Variants in SLC12A8 observed in about 807,000 individuals in gnomAD.
SLC12A8 encodes the protein solute carrier family 12 member 8.
SLC12A8 carries 69 observed loss-of-function variants against 75.6 expected under a neutral mutation model. The ratio of observed to expected loss-of-function variants is 0.91; its 90% CI spans 0.75 to 1.11. The LOEUF (loss-of-function observed/expected upper bound fraction) is 1.11, where lower values mean the gene tolerates loss of function less well. SLC12A8 is among the 50% of genes most tolerant of loss of function. The pLI is 0.00. For synonymous variants in SLC12A8, 365 were observed against 372.8 expected (o/e 0.98, Z 0.24); for missense variants, 877 against 896.7 (o/e 0.98, Z 0.28).
At chr3:125,199,584 G>A (rs1277075624) in intron 2 of SLC12A8, among the ~76,000 whole-genome samples, 9 of 121,392 alleles carry the variant, frequency 7.4e-5, no homozygotes, top group African/African-American at 2.5e-4. Context: ...TCTAGAAGAA[G>A]GAAAAAAAAA....
At chr3:125,180,285 T>A (rs965581926) in intron 4 of SLC12A8, among the ~76,000 whole-genome samples, 4 of 152,218 alleles carry the variant, frequency 2.6e-5, no homozygotes, top group Non-Finnish European at 1.5e-5. Context: ...AAATCCTGGC[T>A]GACTTGGGAA....
At chr3:125,158,252 G>T (rs771908444) in intron 5 of SLC12A8, among the ~76,000 whole-genome samples, 1 of 149,626 alleles carries the variant, frequency 6.7e-6, no homozygotes, top group Non-Finnish European at 1.5e-5. Flanking sequence ...ACAGAGTCTC[G>T]CTCTGTCACC....
Position 125,212,736 on chromosome 3 carries a change from G to A in SLC12A8, c.-82C>T. On this transcript the variant is annotated 5_prime_UTR_variant, in exon 1 of 14. Coordinates refer to ENST00000469902, the MANE Select transcript of SLC12A8 (RefSeq NM_024628.6). ...ACAGCCAGCTCCCAGCGCCCGGCCC[G>A]CCCGGTCCCCGCCCCGCCGCCACGT... 1 of 153,212 alleles carries A rather than the reference G, an allele frequency of 6.5e-6. No individual in the cohort carries two copies. 9.5% of individuals were successfully genotyped at this position (153,212 alleles called of 1,614,324 possible).
chr3:125,087,197 C>A (rs983579019), intron 13 of SLC12A8, among the ~76,000 whole-genome samples: 1 of 150,480 alleles, frequency 6.6e-6, no homozygotes, highest in Non-Finnish European at 1.5e-5. Flanking sequence ...CGGGTTCAAG[C>A]GATTCTCCTG....
chr3:125,141,666 G>GGGCTGCA (rs1444267897), intron 5 of SLC12A8, among the ~76,000 whole-genome samples: 3 of 151,482 alleles, frequency 2.0e-5, no homozygotes, highest in East Asian at 1.9e-4. Flanking sequence ...AATGATGCTG[G>GGGCTGCA]GGCTGCAGGC....
At chr3:125,147,706 G>A (rs1250249203) in intron 5 of SLC12A8, among the ~76,000 whole-genome samples, 3 of 152,158 alleles carry the variant, frequency 2.0e-5, no homozygotes, top group Non-Finnish European at 2.9e-5. Flanking sequence ...CGAGGGGAGA[G>A]CAAGAGGAGG....
intron 10 of SLC12A8, among the ~76,000 whole-genome samples, chr3:125,102,514 G>A (rs1052418260): frequency 6.6e-6 from 1 of 152,166 alleles, no homozygotes; most frequent in Non-Finnish European, 1.5e-5. Flanking sequence ...AGATCATTCA[G>A]TGGGCAGCAT....
chr3:125,133,980 T>C (rs1933426736), intron 6 of SLC12A8, among the ~76,000 whole-genome samples: 1 of 152,254 alleles, frequency 6.6e-6, no homozygotes, highest in Admixed American at 6.5e-5. Flanking sequence ...AGATTGCATT[T>C]TCTAGAACTG....
intron 10 of SLC12A8, among the ~76,000 whole-genome samples, chr3:125,094,914 A>T (rs1240333452): frequency 6.6e-6 from 1 of 152,162 alleles, no homozygotes; most frequent in Non-Finnish European, 1.5e-5. Context: ...GATACATGTG[A>T]TCACTTTCTC....
At chr3:125,167,843 G>A (rs933805710) in intron 5 of SLC12A8, among the ~76,000 whole-genome samples, 11 of 152,234 alleles carry the variant, frequency 7.2e-5, no homozygotes, top group South Asian at 2.1e-4. Context: ...CACGTTTTGC[G>A]GAGAATTGTT....
intron 4 of SLC12A8, among the ~76,000 whole-genome samples, chr3:125,183,599 C>T (rs185906562): frequency 2.6e-5 from 4 of 152,226 alleles, no homozygotes; most frequent in Admixed American, 2.6e-4. Context: ...CCTGAATATG[C>T]GTTAACACCC....
chr3:125,184,681 C>T (rs1186977231), intron 4 of SLC12A8, among the ~76,000 whole-genome samples: 1 of 151,612 alleles, frequency 6.6e-6, no homozygotes, highest in Non-Finnish European at 1.5e-5. Flanking sequence ...CCCAACCGCA[C>T]CCTAGAGGAA....
chr3:125,182,908 C>T (rs1178338605), intron 4 of SLC12A8, among the ~76,000 whole-genome samples: 2 of 152,176 alleles, frequency 1.3e-5, no homozygotes, highest in African/African-American at 2.4e-5. Context: ...ACACTGGGAT[C>T]ACCTCAAGGG....
At chr3:125,164,417 G>A (rs1010514062) in intron 5 of SLC12A8, among the ~76,000 whole-genome samples, 1 of 152,234 alleles carries the variant, frequency 6.6e-6, no homozygotes, top group Non-Finnish European at 1.5e-5. Flanking sequence ...TCTATGCAAA[G>A]TGCCTGACAC....
chr3:125,084,080 T>C (rs2107727230), intron 13 of SLC12A8, 28 bp from the exon 14 acceptor site: 1 of 1,598,126 alleles, frequency 6.3e-7, no homozygotes, highest in East Asian at 2.2e-5. Flanking sequence ...CAGAGGATGG[T>C]GAGAAGGACA....
At position 125,118,759 on chromosome 3, in the gene SLC12A8, C is replaced by A; in HGVS notation, c.912+10G>T. On this transcript the variant is annotated intron_variant, in intron 8 of 13. Transcript: ENST00000469902. ...GACTGAGCCCTTGGAGTAGCGCAGG[C>A]CTCACTCACCTTTTCCGCTATCAGG... 6.2e-7 allele frequency: 1 copy of A among 1,605,504 alleles called. No individual in the cohort carries two copies. Among genetic ancestry groups the A allele is most frequent in the Non-Finnish European group, 8.5e-7 (1 of 1,172,890 alleles).
intron 6 of SLC12A8, among the ~76,000 whole-genome samples, chr3:125,128,860 T>C (rs1409407819): frequency 1.3e-5 from 2 of 151,926 alleles, no homozygotes; most frequent in Non-Finnish European, 2.9e-5. Flanking sequence ...ATGGGGGAAG[T>C]AGGCCAGAGG....
intron 5 of SLC12A8, among the ~76,000 whole-genome samples, chr3:125,148,791 C>G (rs897481782): frequency 7.9e-5 from 12 of 152,270 alleles, no homozygotes; most frequent in African/African-American, 2.9e-4. Context: ...GGCACATATC[C>G]CACTTTGTGC....
At chr3:125,127,074 C>T (rs1452564194) in intron 6 of SLC12A8, among the ~76,000 whole-genome samples, 1 of 152,236 alleles carries the variant, frequency 6.6e-6, no homozygotes, top group Admixed American at 6.5e-5. Context: ...TAAATAAATG[C>T]TCACCCAGGA....
Sources: gnomAD v4.1 joint callset for allele counts (sites outside exome capture counted in the v4.1 genomes callset) on GRCh38, gnomAD v4.1.1 for gene constraint, MANE v1.5 for transcripts, NCBI Gene and HGNC (gene_info 2026-07-23, HGNC 2026-07-21) for gene names.